AGBL4: variants seen among roughly 807,000 people sequenced by gnomAD.
AGBL4 encodes AGBL carboxypeptidase 4.
AGBL4 carries 58 observed loss-of-function variants against 66.4 expected under a neutral mutation model. The observed-to-expected ratio is 0.87, with a 90% CI of 0.71 to 1.09. The LOEUF (loss-of-function observed/expected upper bound fraction) is 1.09, where lower values mean the gene tolerates loss of function less well. AGBL4 is among the 50% of genes least tolerant of loss of function. The pLI is 0.00. For synonymous variants in AGBL4, 234 were observed against 222.9 expected, an observed-to-expected ratio of 1.05 and a Z score of -0.44; for missense variants, 579 against 631.0, an observed-to-expected ratio of 0.92 and a Z score of 0.88.
intron 11 of AGBL4, among the ~76,000 whole-genome samples, chr1:48,567,799 C>T (rs1300327086): frequency 6.6e-6 from 1 of 152,092 alleles, no homozygotes; most frequent in African/African-American, 2.4e-5. Flanking sequence ...CAGTGCTTCC[C>T]GACCTTTCAT....
intron 5 of AGBL4, among the ~76,000 whole-genome samples, chr1:48,973,568 A>G (rs528717197): frequency 6.6e-6 from 1 of 152,244 alleles, no homozygotes; most frequent in East Asian, 1.9e-4. Context: ...AGAAGGTGGG[A>G]AAAAACCCCA....
At chr1:48,809,370 C>G (rs571053457) in intron 6 of AGBL4, among the ~76,000 whole-genome samples, 1 of 152,178 alleles carries the variant, frequency 6.6e-6, no homozygotes, top group South Asian at 2.1e-4. Flanking sequence ...TATAAACAGG[C>G]AGCACCCTTG....
intron 3 of AGBL4, among the ~76,000 whole-genome samples, chr1:49,262,245 C>G (rs1330934100): frequency 1.3e-5 from 2 of 152,124 alleles, no homozygotes; most frequent in African/African-American, 4.8e-5. Flanking sequence ...AGGACATAGG[C>G]ATGGGCAAGG....
intron 6 of AGBL4, among the ~76,000 whole-genome samples, chr1:48,667,464 A>T (rs1646207474): frequency 6.6e-6 from 1 of 152,238 alleles, no homozygotes; most frequent in African/African-American, 2.4e-5. Context: ...TGCAGTGTCC[A>T]GTGACTATAG....
intron 3 of AGBL4, among the ~76,000 whole-genome samples, chr1:49,302,248 T>A (rs1197363411): frequency 2.0e-5 from 3 of 151,810 alleles, no homozygotes; most frequent in Non-Finnish European, 4.4e-5. Context: ...TACCCTTCTT[T>A]CACATGCACT....
chr1:49,461,376 A>G (rs1446765380), intron 3 of AGBL4, among the ~76,000 whole-genome samples: 5 of 151,146 alleles, frequency 3.3e-5, no homozygotes, highest in Non-Finnish European at 1.5e-5. Context: ...TTCTGCTTGT[A>G]TGATTCTATT....
chr1:49,615,533 A>C (rs1424116958), intron 3 of AGBL4, among the ~76,000 whole-genome samples: 6 of 152,160 alleles, frequency 3.9e-5, no homozygotes, highest in Non-Finnish European at 8.8e-5. Context: ...AGATATGCCG[A>C]CAGTTTGTAG....
chr1:48,570,839 C>T (rs1460832114), intron 11 of AGBL4, among the ~76,000 whole-genome samples: 1 of 152,104 alleles, frequency 6.6e-6, no homozygotes. Flanking sequence ...AAGTAGGGGT[C>T]GACTACAGTC....
At chr1:48,534,388 G>T in intron 13 of AGBL4, 95 bp from the exon 14 acceptor site, 1 of 1,436,676 alleles carries the variant, frequency 7.0e-7, no homozygotes, top group Non-Finnish European at 9.2e-7. Flanking sequence ...CCACTGGACT[G>T]TAGCCTCCCA....
intron 1 of AGBL4, among the ~76,000 whole-genome samples, chr1:49,989,918 G>A (rs1397397553): frequency 2.0e-5 from 3 of 151,948 alleles, no homozygotes; most frequent in African/African-American, 7.3e-5. Flanking sequence ...ATTACTTCCT[G>A]GTGGGTATAC....
intron 6 of AGBL4, among the ~76,000 whole-genome samples, chr1:48,762,537 T>A (rs1432727958): frequency 2.0e-5 from 3 of 152,060 alleles, no homozygotes; most frequent in African/African-American, 7.2e-5. Context: ...GTATCCCAAA[T>A]GCGTTTTGTA....
chr1:49,446,328 C>A (rs917083727), intron 3 of AGBL4, among the ~76,000 whole-genome samples: 2 of 152,236 alleles, frequency 1.3e-5, no homozygotes, highest in East Asian at 1.9e-4. Context: ...TTTGAATTTA[C>A]TTTTATCAGA....
Position 49,265,485 on chromosome 1 carries a change from C to T in AGBL4, c.283-19621G>A, listed in dbSNP as rs147062438. On this transcript the variant is annotated intron_variant, in intron 3 of 13. Transcript: ENST00000371839. ...GTTCAACCAATCAGCTCCTTTACTT[C>T]GGAGCCATATTCCCAGTTTTTATAT... is the stretch of plus-strand genomic sequence containing the variant. 2.8e-4 allele frequency among the ~76,000 whole-genome samples: 43 copies of T among 152,252 alleles called. 1 individual carries two copies. Among genetic ancestry groups the T allele is most frequent in the African/African-American group, 8.9e-4 (37 of 41,560 alleles).
Position 49,123,559 on chromosome 1 carries a change from T to A in AGBL4, c.378-77759A>T, listed in dbSNP as rs566616129. On this transcript the variant is annotated intron_variant, in intron 4 of 13. Transcript: ENST00000371839. ...GGATTGCTTTTATCAATATGGCAGATAACAAAGGACTAAATTGAGAGCTGG... is the reference window on the plus strand; with the variant it reads ...GGATTGCTTTTATCAATATGGCAGAAAACAAAGGACTAAATTGAGAGCTGG... Among the ~76,000 whole-genome samples, 11 of 152,302 alleles carry A rather than the reference T, an allele frequency of 7.2e-5. No homozygotes were observed. In the East Asian group the frequency reaches 2.1e-3, roughly 29 times the overall value.
intron 3 of AGBL4, among the ~76,000 whole-genome samples, chr1:49,409,259 A>G (rs1399924966): frequency 6.6e-6 from 1 of 152,072 alleles, no homozygotes; most frequent in Non-Finnish European, 1.5e-5. Flanking sequence ...ACACTACCAC[A>G]CATCTTGAAG....
At chr1:49,077,027 A>G (rs1233739331) in intron 4 of AGBL4, among the ~76,000 whole-genome samples, 1 of 152,084 alleles carries the variant, frequency 6.6e-6, no homozygotes, top group East Asian at 1.9e-4. Flanking sequence ...TTAGGTGTAA[A>G]ATTCCCTACA....
At position 48,695,502 on chromosome 1, in the gene AGBL4, C is replaced by A. The variant is rs115555550; in HGVS notation, c.635-32261G>T. 8.1e-3 allele frequency among the ~76,000 whole-genome samples: 1,227 copies of A among 152,280 alleles called. 17 individuals are homozygous for A. The highest frequency in any genetic ancestry group is 0.028 in the African/African-American group (1,168 of 41,542). ...TGAGTAATGCCATTAACACAATGGC[C>A]TCAGGACTTCAAAGCTGCTTTCCTT... On this transcript the variant is annotated intron_variant, in intron 6 of 13. Coordinates refer to ENST00000371839, the MANE Select transcript of AGBL4 (RefSeq NM_032785.4).
chr1:48,612,562 C>T (rs1032961764), intron 9 of AGBL4, among the ~76,000 whole-genome samples: 6 of 152,146 alleles, frequency 3.9e-5, no homozygotes, highest in Non-Finnish European at 5.9e-5. Flanking sequence ...GTACAAAGAT[C>T]AAAGTTAAAC....
At chr1:49,981,399 A>C (rs1390258536) in intron 1 of AGBL4, among the ~76,000 whole-genome samples, 2 of 152,190 alleles carry the variant, frequency 1.3e-5, no homozygotes, top group Non-Finnish European at 2.9e-5. Flanking sequence ...TATATGTCTT[A>C]AAGTGTGTAT....
Sources: gnomAD v4.1 joint callset for allele counts (sites outside exome capture counted in the v4.1 genomes callset) on GRCh38, gnomAD v4.1.1 for gene constraint, MANE v1.5 for transcripts, NCBI Gene and HGNC (gene_info 2026-07-23, HGNC 2026-07-21) for gene names.